The following IMMP2L variants were observed in gnomAD, a reference collection of about 807,000 sequenced individuals.
IMMP2L encodes mitochondrial inner membrane protease subunit 2.
In IMMP2L, 18 loss-of-function variants were observed where a neutral mutation model predicts 19.3. The observed-to-expected ratio is 0.93, with a 90% CI of 0.64 to 1.38. The LOEUF (loss-of-function observed/expected upper bound fraction) is 1.38, where lower values mean the gene tolerates loss of function less well. Among genes scored for constraint, IMMP2L ranks in the 40% most tolerant of loss-of-function variants. IMMP2L has a pLI of 0.00. For missense variants in IMMP2L, 233 were observed against 218.2 expected (o/e 1.07, Z -0.43); for synonymous variants, 76 against 73.0 (o/e 1.04, Z -0.21).
At chr7:111,487,544 A>C (rs904363247) in intron 2 of IMMP2L, among the ~76,000 whole-genome samples, 6 of 152,194 alleles carry the variant, frequency 3.9e-5, no homozygotes, top group Admixed American at 3.9e-4. Context: ...GAAAAAAATA[A>C]ATTACCAATG....
At chr7:110,804,697 G>C (rs1293069881) in intron 5 of IMMP2L, among the ~76,000 whole-genome samples, 1 of 152,120 alleles carries the variant, frequency 6.6e-6, no homozygotes, top group Non-Finnish European at 1.5e-5. Context: ...TCAACTTAAA[G>C]ACAATCAGCT....
chr7:111,250,378 G>T (rs37731), intron 3 of IMMP2L, among the ~76,000 whole-genome samples: 2 of 151,936 alleles, frequency 1.3e-5, no homozygotes, highest in African/African-American at 2.4e-5. Context: ...GACCATTGAC[G>T]TTTTTCACAG....
chr7:111,100,637 T>C (rs1042107573), intron 3 of IMMP2L, among the ~76,000 whole-genome samples: 2 of 151,142 alleles, frequency 1.3e-5, no homozygotes, highest in Non-Finnish European at 3.0e-5. Flanking sequence ...AACATTCTTA[T>C]TAATCTGTTG....
At chr7:111,454,106 A>C (rs925439450) in intron 3 of IMMP2L, among the ~76,000 whole-genome samples, 1 of 152,150 alleles carries the variant, frequency 6.6e-6, no homozygotes, top group Non-Finnish European at 1.5e-5. Context: ...AACCATATAA[A>C]AAACTTTGGA....
At chr7:111,288,319 A>G (rs1820720903) in intron 3 of IMMP2L, among the ~76,000 whole-genome samples, 1 of 152,154 alleles carries the variant, frequency 6.6e-6, no homozygotes, top group Admixed American at 6.6e-5. Context: ...CCTAAGACCT[A>G]AAACCATAAA....
chr7:111,464,076 G>A (rs996765357), intron 3 of IMMP2L, among the ~76,000 whole-genome samples: 1 of 152,046 alleles, frequency 6.6e-6, no homozygotes, highest in African/African-American at 2.4e-5. Context: ...GATTGTGAAG[G>A]CAGACTGCTT....
At chr7:111,484,699 A>G (rs1464369955) in intron 3 of IMMP2L, among the ~76,000 whole-genome samples, 1 of 152,198 alleles carries the variant, frequency 6.6e-6, no homozygotes, top group Non-Finnish European at 1.5e-5. Flanking sequence ...AACTGCAATC[A>G]AACCAACATC....
At chr7:111,361,813 T>C (rs1021355840) in intron 3 of IMMP2L, among the ~76,000 whole-genome samples, 3 of 152,122 alleles carry the variant, frequency 2.0e-5, no homozygotes, top group African/African-American at 4.8e-5. Flanking sequence ...TAATAACCTT[T>C]CAGTAGGTAT....
intron 5 of IMMP2L, among the ~76,000 whole-genome samples, chr7:110,754,907 T>A (rs1443066744): frequency 1.5e-5 from 2 of 131,436 alleles, no homozygotes; most frequent in Non-Finnish European, 3.3e-5. Flanking sequence ...CACGTTCTAT[T>A]TTTTTTTTCA....
chr7:110,702,077 A>G (rs939315589), intron 5 of IMMP2L, among the ~76,000 whole-genome samples: 1 of 151,786 alleles, frequency 6.6e-6, no homozygotes, highest in Admixed American at 6.6e-5. Context: ...CTACAGGTGC[A>G]TGCCTCTATC....
At chr7:111,127,094 T>C (rs1801388267) in intron 3 of IMMP2L, among the ~76,000 whole-genome samples, 2 of 152,238 alleles carry the variant, frequency 1.3e-5, no homozygotes, top group Admixed American at 1.3e-4. Context: ...AACCAAAATA[T>C]GAAACTTGCT....
chr7:110,818,470 G>T (rs1464069216), intron 5 of IMMP2L, among the ~76,000 whole-genome samples: 1 of 152,074 alleles, frequency 6.6e-6, no homozygotes, highest in Non-Finnish European at 1.5e-5. Context: ...AACAACAGGT[G>T]CTGGAGAGGA....
intron 5 of IMMP2L, among the ~76,000 whole-genome samples, chr7:110,802,029 C>T (rs537885057): frequency 2.6e-5 from 4 of 151,880 alleles, no homozygotes; most frequent in South Asian, 2.1e-4. Context: ...ACATGGAGCC[C>T]GGGGCATACA....
At chr7:111,472,973 A>G (rs1841397761) in intron 3 of IMMP2L, among the ~76,000 whole-genome samples, 1 of 152,122 alleles carries the variant, frequency 6.6e-6, no homozygotes, top group South Asian at 2.1e-4. Context: ...AAAATGCAAA[A>G]TAGTGCTGAT....
intron 2 of IMMP2L, among the ~76,000 whole-genome samples, chr7:111,492,809 G>C (rs1843220994): frequency 6.6e-6 from 1 of 152,152 alleles, no homozygotes; most frequent in Admixed American, 6.5e-5. Flanking sequence ...GACATTGCTT[G>C]ATTTTATAAA....
chr7:111,390,379 C>A (rs1832225248), intron 3 of IMMP2L, among the ~76,000 whole-genome samples: 1 of 152,130 alleles, frequency 6.6e-6, no homozygotes, highest in Admixed American at 6.6e-5. Flanking sequence ...CATCTCACAC[C>A]CCAAACTCCA....
chr7:110,995,377 T>A, intron 3 of IMMP2L, among the ~76,000 whole-genome samples: 1 of 152,270 alleles, frequency 6.6e-6, no homozygotes, highest in Middle Eastern at 3.4e-3. Context: ...AGTTATTTAT[T>A]GATCATATTT....
intron 3 of IMMP2L, among the ~76,000 whole-genome samples, chr7:110,987,289 CAG>C (rs1821960467): frequency 6.6e-6 from 1 of 152,056 alleles, no homozygotes; most frequent in Non-Finnish European, 1.5e-5. Flanking sequence ...AAACTCTTGA[CAG>C]GGGAAAGGGT....
chr7:110,877,732 A>G lies in IMMP2L; in HGVS notation c.408+8861T>C, dbSNP rs1809223706. On this transcript the variant is annotated intron_variant, in intron 5 of 5. Coordinates refer to ENST00000405709, the MANE Select transcript of IMMP2L (RefSeq NM_032549.4). The surrounding 1 kb of genome is among the most constrained non-coding windows in gnomAD (Gnocchi z 4.0). ...GAGAAACCTGCACATCACAAGTTTTACAAAAATTAAGTTTATTAAAGAACA... is the reference window on the plus strand; with the variant it reads ...GAGAAACCTGCACATCACAAGTTTTGCAAAAATTAAGTTTATTAAAGAACA... Among the ~76,000 whole-genome samples the G allele has an allele frequency of 1.3e-5, 2 of 152,094 alleles. No individual in the cohort carries two copies. Among genetic ancestry groups the G allele is most frequent in the Non-Finnish European group, 2.9e-5 (2 of 68,002 alleles).
Sources: allele counts gnomAD v4.1 joint callset (sites outside exome capture counted in the v4.1 genomes callset), GRCh38; gene constraint gnomAD v4.1.1; non-coding constraint Gnocchi (gnomAD v3.1); transcripts MANE v1.5; gene names NCBI Gene and HGNC (gene_info 2026-07-23, HGNC 2026-07-21).